Variants in FHIT observed in about 807,000 individuals in gnomAD.
FHIT encodes the protein fragile histidine triad diadenosine triphosphatase, also known as bis(5'-adenosyl)-triphosphatase.
FHIT carries 19 observed loss-of-function variants against 17.9 expected under a neutral mutation model. The ratio of observed to expected loss-of-function variants is 1.06; its 90% CI spans 0.74 to 1.56. FHIT has a LOEUF of 1.56. Among genes scored for constraint, FHIT ranks in the 40% most tolerant of loss-of-function variants. The pLI is 0.00. For synonymous variants in FHIT, 81 were observed against 69.7 expected, an observed-to-expected ratio of 1.16 and a Z score of -0.81; for missense variants, 248 against 189.2, an observed-to-expected ratio of 1.31 and a Z score of -1.82.
chr3:60,647,926 A>G lies in FHIT; in HGVS notation c.-17-110947T>C, dbSNP rs141146616. Among the ~76,000 whole-genome samples the G allele has an allele frequency of 1.0e-3, 154 of 152,344 alleles. 1 individual carries two copies. Among genetic ancestry groups the G allele is most frequent in the African/African-American group, 3.7e-3 (152 of 41,590 alleles). On this transcript the variant is annotated intron_variant, in intron 4 of 9. Coordinates refer to ENST00000492590, the MANE Select transcript of FHIT (RefSeq NM_002012.4). ...CAGCAAATATTATAATCAATGCAAT[A>G]ATAGTGACCCAGCAGAAATACACTG...
chr3:60,568,377 T>A (rs1002083984), intron 4 of FHIT, among the ~76,000 whole-genome samples: 2 of 151,762 alleles, frequency 1.3e-5, no homozygotes, highest in Admixed American at 1.3e-4. Context: ...AAATACCGCG[T>A]GTTCTCACTC....
chr3:59,847,813 A>G (rs1701776317), intron 8 of FHIT, among the ~76,000 whole-genome samples: 1 of 152,284 alleles, frequency 6.6e-6, no homozygotes, highest in South Asian at 2.1e-4. Context: ...GTATAAACTT[A>G]AAGTCTTTTC....
intron 5 of FHIT, among the ~76,000 whole-genome samples, chr3:60,037,310 G>T (rs930024564): frequency 7.9e-5 from 12 of 151,764 alleles, no homozygotes; most frequent in African/African-American, 2.2e-4. Flanking sequence ...TGCCAAATAG[G>T]CACTAGGAAG....
intron 4 of FHIT, among the ~76,000 whole-genome samples, chr3:60,812,968 T>C (rs1183004766): frequency 5.9e-5 from 9 of 152,114 alleles, no homozygotes; most frequent in African/African-American, 1.9e-4. Context: ...GGTTATGTTA[T>C]GATTTAAATG....
intron 8 of FHIT, among the ~76,000 whole-genome samples, chr3:59,817,926 A>G (rs1700659185): frequency 6.6e-6 from 1 of 152,220 alleles, no homozygotes; most frequent in Non-Finnish European, 1.5e-5. Context: ...GAAAGAAAGG[A>G]AAGATAAAAC....
chr3:61,084,465 T>G (rs2035244367), intron 2 of FHIT, among the ~76,000 whole-genome samples: 1 of 152,234 alleles, frequency 6.6e-6, no homozygotes, highest in Admixed American at 6.5e-5. Flanking sequence ...GAGATCAATT[T>G]GGAGAGAATA....
chr3:60,074,586 C>T (rs1180844336), intron 5 of FHIT, among the ~76,000 whole-genome samples: 1 of 151,844 alleles, frequency 6.6e-6, no homozygotes, highest in Non-Finnish European at 1.5e-5. Context: ...CCTGGCTCAG[C>T]TTCATGGACT....
chr3:60,905,237 C>T (rs1706343119), intron 3 of FHIT, among the ~76,000 whole-genome samples: 1 of 152,098 alleles, frequency 6.6e-6, no homozygotes, highest in South Asian at 2.1e-4. Flanking sequence ...AAAAAAAGTA[C>T]ATTGAGATAC....
chr3:60,473,666 C>A (rs2033201117), intron 5 of FHIT, among the ~76,000 whole-genome samples: 1 of 152,168 alleles, frequency 6.6e-6, no homozygotes, highest in Admixed American at 6.5e-5. Flanking sequence ...CGCCTGTAAT[C>A]CTAGCACTTT....
intron 4 of FHIT, among the ~76,000 whole-genome samples, chr3:60,764,511 A>G (rs1467821412): frequency 6.6e-6 from 1 of 152,166 alleles, no homozygotes; most frequent in Non-Finnish European, 1.5e-5. Flanking sequence ...AGCAGTGGCA[A>G]TGTAAACCTG....
chr3:60,502,946 A>T (rs1287524719), intron 5 of FHIT, among the ~76,000 whole-genome samples: 1 of 152,236 alleles, frequency 6.6e-6, no homozygotes, highest in Non-Finnish European at 1.5e-5. Context: ...ACTGTGACAC[A>T]TTAGTAATAC....
At chr3:59,794,328 G>A (rs756622459) in intron 8 of FHIT, among the ~76,000 whole-genome samples, 1 of 152,174 alleles carries the variant, frequency 6.6e-6, no homozygotes, top group East Asian at 1.9e-4. Context: ...ACCAGGACAC[G>A]AACATTACCA....
intron 5 of FHIT, among the ~76,000 whole-genome samples, chr3:60,347,688 G>GGGT (rs1710859570): frequency 8.3e-6 from 1 of 120,838 alleles, no homozygotes. Context: ...GGGGGGGGGG[G>GGGT]GTTTGTTTTT....
intron 3 of FHIT, among the ~76,000 whole-genome samples, chr3:60,938,117 C>G (rs565167147): frequency 2.0e-5 from 3 of 152,182 alleles, no homozygotes; most frequent in Non-Finnish European, 2.9e-5. Flanking sequence ...GTGTAGCAGT[C>G]TCTCACCACT....
At chr3:60,951,287 A>G (rs1708874729) in intron 3 of FHIT, among the ~76,000 whole-genome samples, 2 of 152,236 alleles carry the variant, frequency 1.3e-5, no homozygotes, top group South Asian at 4.1e-4. Flanking sequence ...AAGACATGCC[A>G]ATAATAAAAT....
At position 61,022,526 on chromosome 3, in the gene FHIT, C is replaced by G. The variant is rs557007762; in HGVS notation, c.-111+19521G>C. Among the ~76,000 whole-genome samples the G allele has an allele frequency of 1.1e-3, 171 of 152,270 alleles. 1 individual carries two copies. The highest frequency in any genetic ancestry group is 4.0e-3 in the African/African-American group (167 of 41,550). On this transcript the variant is annotated intron_variant, in intron 3 of 9. Coordinates refer to ENST00000492590, the MANE Select transcript of FHIT (RefSeq NM_002012.4). ...GCCAGCATCATCCTGATACCAAAACCTGACAGAGAAACAAAAAAAGAAAAT... is the reference window on the plus strand; with the variant it reads ...GCCAGCATCATCCTGATACCAAAACGTGACAGAGAAACAAAAAAAGAAAAT...
intron 4 of FHIT, among the ~76,000 whole-genome samples, chr3:60,582,816 T>C (rs1308049283): frequency 2.6e-5 from 4 of 152,112 alleles, no homozygotes; most frequent in African/African-American, 4.8e-5. Context: ...TGTCAGATCC[T>C]GTACTAAGCA....
chr3:60,029,008 A>T (rs964153347), intron 5 of FHIT, among the ~76,000 whole-genome samples: 30 of 152,214 alleles, frequency 2.0e-4, no homozygotes, highest in African/African-American at 7.2e-4. Flanking sequence ...TAAGAAAAAC[A>T]AGGCAAGAAT....
intron 5 of FHIT, among the ~76,000 whole-genome samples, chr3:60,362,405 G>A (rs1224982646): frequency 6.6e-6 from 1 of 151,970 alleles, no homozygotes; most frequent in Admixed American, 6.6e-5. Context: ...TTTTTGGAGA[G>A]GGTTAACAAA....
Sources: gnomAD v4.1 joint callset for allele counts (sites outside exome capture counted in the v4.1 genomes callset) on GRCh38, gnomAD v4.1.1 for gene constraint, MANE v1.5 for transcripts, NCBI Gene and HGNC (gene_info 2026-07-23, HGNC 2026-07-21) for gene names.